Variants in SRRM3 observed in about 807,000 individuals in gnomAD.
SRRM3 encodes serine/arginine repetitive matrix protein 3.
SRRM3 carries 27 observed loss-of-function variants against 66.2 expected under a neutral mutation model. The observed-to-expected ratio is 0.41, with a 90% CI of 0.30 to 0.56. The LOEUF is 0.56. SRRM3 is among the 20% of genes least tolerant of loss of function. The pLI is 0.32. For missense variants in SRRM3, 918 were observed against 991.9 expected, an observed-to-expected ratio of 0.93 and a Z score of 1.00; for synonymous variants, 391 against 414.9, an observed-to-expected ratio of 0.94 and a Z score of 0.70.
chr7:76,248,500 C>A (rs1554606461), intron 3 of SRRM3, among the ~76,000 whole-genome samples: 2 of 152,070 alleles, frequency 1.3e-5, no homozygotes, highest in African/African-American at 4.8e-5. Flanking sequence ...TCACCAAGGG[C>A]CTCCTCCTAC....
At chr7:76,281,197 CTGT>C (rs1802490779) in intron 11 of SRRM3, among the ~76,000 whole-genome samples, 1 of 150,836 alleles carries the variant, frequency 6.6e-6, no homozygotes, top group African/African-American at 2.4e-5. Flanking sequence ...TCCCTCTCTC[CTGT>C]CTCTCTTCAT....
intron 12 of SRRM3, 83 bp from the exon 13 acceptor site, chr7:76,282,565 A>AG: frequency 3.4e-6 from 2 of 579,776 alleles, no homozygotes. Context: ...CTCCGCCCTA[A>AG]GCCCCGCCCC....
chr7:76,207,702 T>C (rs911143632), intron 1 of SRRM3, among the ~76,000 whole-genome samples: 3 of 148,680 alleles, frequency 2.0e-5, no homozygotes, highest in African/African-American at 5.2e-5. Flanking sequence ...TCTCTACCAA[T>C]AAATAAATAA....
chr7:76,258,339 A>G (rs543063892), intron 3 of SRRM3, among the ~76,000 whole-genome samples: 1 of 152,258 alleles, frequency 6.6e-6, no homozygotes, highest in Non-Finnish European at 1.5e-5. Context: ...AGGGACTAGG[A>G]CACCCAGGTG....
At chr7:76,202,385 T>G (rs1400632290) in intron 1 of SRRM3, among the ~76,000 whole-genome samples, 1 of 152,130 alleles carries the variant, frequency 6.6e-6, no homozygotes, top group East Asian at 1.9e-4. Flanking sequence ...GAGAAGGACC[T>G]GCTCCCCAGG....
At chr7:76,230,846 G>A (rs1800996582) in intron 1 of SRRM3, among the ~76,000 whole-genome samples, 1 of 151,574 alleles carries the variant, frequency 6.6e-6, no homozygotes, top group Non-Finnish European at 1.5e-5. Context: ...TGCCTCCCAG[G>A]TTCAAGCGAT....
chr7:76,281,438 C>T lies in SRRM3; in HGVS notation c.1009-3C>T. 1 of 1,236,152 alleles carries T rather than the reference C, an allele frequency of 8.1e-7. No homozygotes were observed. Among genetic ancestry groups the T allele is most frequent in the Non-Finnish European group, 1.0e-6 (1 of 983,882 alleles). The allele number at this position is 1,236,152 out of a possible 1,614,324, so 76.6% of individuals were successfully genotyped here. A position where few individuals can be genotyped will look rare whatever the true frequency, so the allele number is the denominator to read the frequency against. On this transcript the variant is annotated splice_region_variant and splice_polypyrimidine_tract_variant and intron_variant, in intron 11 of 14. Transcript: ENST00000611745. Reference sequence around the variant, plus strand: ...GTGCCCTGTCTGCCTCTCTCCCCGTCAGAAGCCCAGCTCGCCCTCGCCCAG... The same window carrying T: ...GTGCCCTGTCTGCCTCTCTCCCCGTTAGAAGCCCAGCTCGCCCTCGCCCAG...
chr7:76,243,897 C>CT (rs1214596817), intron 2 of SRRM3, among the ~76,000 whole-genome samples: 1 of 152,214 alleles, frequency 6.6e-6, no homozygotes, highest in Non-Finnish European at 1.5e-5. Context: ...TCTGCCTCTG[C>CT]TGGGGGGGTG....
At chr7:76,266,193 ATATT>A (rs1302777716) in intron 10 of SRRM3, among the ~76,000 whole-genome samples, 1 of 96,940 alleles carries the variant, frequency 1.0e-5, no homozygotes, top group Non-Finnish European at 1.7e-5. Context: ...ATATATATAA[ATATT>A]TATATATTTA....
At chr7:76,257,992 A>G (rs782723466) in intron 3 of SRRM3, among the ~76,000 whole-genome samples, 2 of 152,100 alleles carry the variant, frequency 1.3e-5, no homozygotes, top group African/African-American at 2.4e-5. Context: ...AGCTACCTCT[A>G]GAAAAAAAGA....
chr7:76,252,280 C>T (rs1554606987), intron 3 of SRRM3, among the ~76,000 whole-genome samples: 1 of 152,150 alleles, frequency 6.6e-6, no homozygotes, highest in Non-Finnish European at 1.5e-5. Flanking sequence ...GTCATTTGCA[C>T]ATGAATTCTC....
Position 76,240,484 on chromosome 7 carries a change from G to A in SRRM3, c.233+5185G>A, listed in dbSNP as rs577209893. ...TAATACAAAAAATTAGCCGGGTGTG[G>A]TGGCAGGTGCCTGTAGTCCCAGCTA... is the stretch of plus-strand genomic sequence containing the variant. On this transcript the variant is annotated intron_variant, in intron 2 of 14. Coordinates refer to ENST00000611745, the MANE Select transcript of SRRM3 (RefSeq NM_001110199.3). Among the ~76,000 whole-genome samples, 6 of 151,972 alleles carry A rather than the reference G, an allele frequency of 3.9e-5. 1 individual carries two copies. The South Asian group carries it at 1.0e-3, about 26-fold the overall frequency.
intron 3 of SRRM3, among the ~76,000 whole-genome samples, chr7:76,254,537 C>T (rs1554607414): frequency 6.6e-6 from 1 of 152,128 alleles, no homozygotes; most frequent in East Asian, 1.9e-4. Flanking sequence ...AGGCTTGTCT[C>T]GAACTCCTCA....
chr7:76,275,788 C>T (rs1802332972), intron 11 of SRRM3, among the ~76,000 whole-genome samples: 1 of 152,080 alleles, frequency 6.6e-6, no homozygotes, highest in Admixed American at 6.6e-5. Flanking sequence ...AATTTCTTAC[C>T]CAAAGGTTGG....
chr7:76,211,408 A>G (rs1223757198), intron 1 of SRRM3, among the ~76,000 whole-genome samples: 1 of 88,794 alleles, frequency 1.1e-5, no homozygotes, highest in Non-Finnish European at 2.0e-5. Flanking sequence ...CAGGGGCCTC[A>G]CTGTTGGGGG....
chr7:76,270,870 G>A (rs1802192383), intron 11 of SRRM3, among the ~76,000 whole-genome samples: 1 of 151,916 alleles, frequency 6.6e-6, no homozygotes, highest in Non-Finnish European at 1.5e-5. Flanking sequence ...AGCTACTTGG[G>A]AGGCTGAGGC....
At chr7:76,225,048 C>T (rs1171753935) in intron 1 of SRRM3, among the ~76,000 whole-genome samples, 9 of 152,094 alleles carry the variant, frequency 5.9e-5, no homozygotes, top group Non-Finnish European at 1.2e-4. Context: ...TCAGGCCTTC[C>T]GAAAGGGTTT....
chr7:76,276,633 G>A (rs1379179651), intron 11 of SRRM3, among the ~76,000 whole-genome samples: 2 of 152,126 alleles, frequency 1.3e-5, no homozygotes, highest in Admixed American at 6.5e-5. Flanking sequence ...GGGGAGGTTC[G>A]GAGGTCTCTG....
chr7:76,285,593 A>G lies in SRRM3; in HGVS notation c.1734-22A>G. ...GGCTCGGGGCCTGGGATGGCCTGTA[A>G]TCAGCTTTTTCTTCCCGGCAGCGCC... is the stretch of plus-strand genomic sequence containing the variant. On this transcript the variant is annotated intron_variant, in intron 14 of 14. Coordinates refer to ENST00000611745, the MANE Select transcript of SRRM3 (RefSeq NM_001110199.3). This position sits in a 1 kb window ranked among gnomAD's most constrained non-coding sequence, Gnocchi z 4.1. 1 of 1,542,274 alleles carries G rather than the reference A, an allele frequency of 6.5e-7. No individual in the cohort carries two copies. Among genetic ancestry groups the G allele is most frequent in the Non-Finnish European group, 8.8e-7 (1 of 1,141,190 alleles).
Sources: allele counts gnomAD v4.1 joint callset (sites outside exome capture counted in the v4.1 genomes callset), GRCh38; gene constraint gnomAD v4.1.1; non-coding constraint Gnocchi (gnomAD v3.1); transcripts MANE v1.5; gene names NCBI Gene and HGNC (gene_info 2026-07-23, HGNC 2026-07-21).